Variants in WDR43 observed in about 807,000 individuals in gnomAD.
The protein encoded by WDR43 is WD repeat domain 43.
A neutral mutation model predicts 91.4 loss-of-function variants in WDR43; 13 were observed. That is an observed-to-expected ratio of 0.14 (90% confidence interval 0.09 to 0.23). The LOEUF (loss-of-function observed/expected upper bound fraction) is 0.23, where lower values mean the gene tolerates loss of function less well. Ranked by LOEUF, WDR43 falls within the 10% of genes least tolerant of loss-of-function variation. The probability of loss-of-function intolerance (pLI) is 1.00; values close to 1 mark genes in which losing one functional copy is unlikely to be tolerated. For missense variants in WDR43, 780 were observed against 809.4 expected (o/e 0.96, Z 0.44); for synonymous variants, 331 against 287.9 (o/e 1.15, Z -1.51).
At chr2:28,900,094 A>G (rs1670551405) in intron 1 of WDR43, among the ~76,000 whole-genome samples, 1 of 152,192 alleles carries the variant, frequency 6.6e-6, no homozygotes, top group Non-Finnish European at 1.5e-5. Context: ...GCATACGCAT[A>G]TTTGGACCTG....
At chr2:28,937,518 A>G (rs140846372) in intron 13 of WDR43, among the ~76,000 whole-genome samples, 34 of 152,266 alleles carry the variant, frequency 2.2e-4, no homozygotes, top group Non-Finnish European at 3.5e-4. Flanking sequence ...TTTTTGGTCT[A>G]TATTTGCCTT....
intron 6 of WDR43, among the ~76,000 whole-genome samples, chr2:28,919,177 G>A (rs1157281111): frequency 1.3e-5 from 2 of 152,158 alleles, no homozygotes; most frequent in Admixed American, 6.5e-5. Context: ...AAGATTGCCT[G>A]AGCCTGGGAG....
chr2:28,894,981 C>G lies in WDR43; in HGVS notation c.225+58C>G. ...CTTCCCGGGCTCGGCTTCGGGCCTCCGGGCCGGGTGGCGCGTGGTCCGGCA... is the reference window on the plus strand; with the variant it reads ...CTTCCCGGGCTCGGCTTCGGGCCTCGGGGCCGGGTGGCGCGTGGTCCGGCA... On this transcript the variant is annotated intron_variant, in intron 1 of 17. Coordinates refer to ENST00000407426, the MANE Select transcript of WDR43 (RefSeq NM_015131.3). 3 of 1,425,580 alleles carry G rather than the reference C, an allele frequency of 2.1e-6. No individual in the cohort carries two copies. In the South Asian group the frequency reaches 4.4e-5, roughly 21 times the overall value. The allele number at this position is 1,425,580 out of a possible 1,614,324, so 88.3% of individuals were successfully genotyped here.
At chr2:28,935,872 T>G (rs1355517108) in intron 12 of WDR43, 2 of 269,320 alleles carry the variant, frequency 7.4e-6, no homozygotes, top group Non-Finnish European at 1.4e-5. Flanking sequence ...CACTTGGAAC[T>G]TGTGGCACAG....
intron 4 of WDR43, among the ~76,000 whole-genome samples, chr2:28,913,347 T>A (rs1670845004): frequency 6.6e-6 from 1 of 152,054 alleles, no homozygotes; most frequent in Non-Finnish European, 1.5e-5. Flanking sequence ...AAAACAGATT[T>A]TGACACAGGG....
intron 1 of WDR43, among the ~76,000 whole-genome samples, chr2:28,900,002 G>C (rs1032253276): frequency 2.0e-5 from 3 of 152,092 alleles, no homozygotes; most frequent in African/African-American, 7.2e-5. Context: ...TTAAGGCTTT[G>C]ACTATGTTAT....
intron 16 of WDR43, among the ~76,000 whole-genome samples, chr2:28,944,951 A>G (rs1428103655): frequency 6.6e-6 from 1 of 152,222 alleles, no homozygotes; most frequent in African/African-American, 2.4e-5. Context: ...TACATTTTCC[A>G]TTTAATATTT....
chr2:28,923,418 G>T (rs879338063), intron 7 of WDR43, among the ~76,000 whole-genome samples: 4 of 152,170 alleles, frequency 2.6e-5, no homozygotes, highest in Non-Finnish European at 5.9e-5. Context: ...GCCACATTCA[G>T]TGGAGACCAT....
chr2:28,894,910 G>C lies in WDR43; in HGVS notation c.212G>C (p.Arg71Pro), dbSNP rs755572600. 1 of 1,592,806 alleles carries C rather than the reference G, an allele frequency of 6.3e-7. No homozygotes were observed. Among genetic ancestry groups the C allele is most frequent in the Non-Finnish European group, 8.5e-7 (1 of 1,170,458 alleles). ...ACCTGTCTGGCCTGGGCGCCAGCGC[G>C]GCTGCAGGCCAAGGTAAAGCGAGCG... ...TCTCLAWAPA[R>P]LQAKESPQRK... The change falls in exon 1 of 18, where the codon CGG becomes CCG. Residue 71 changes from arginine to proline, a missense_variant. Coordinates refer to ENST00000407426, the MANE Select transcript of WDR43 (RefSeq NM_015131.3).
chr2:28,911,546 G>A lies in WDR43; in HGVS notation c.486-1044G>A, dbSNP rs1000151953. 1.8e-4 allele frequency among the ~76,000 whole-genome samples: 28 copies of A among 151,908 alleles called. No individual in the cohort carries two copies. The East Asian group carries it at 2.7e-3, about 15-fold the overall frequency. ...CCTGACCTTGTGATCCGCCCACCTCGGCTTCCCAAAGTGCTGGGATTACAG... is the reference window on the plus strand; with the variant it reads ...CCTGACCTTGTGATCCGCCCACCTCAGCTTCCCAAAGTGCTGGGATTACAG... On this transcript the variant is annotated intron_variant, in intron 3 of 17. Coordinates refer to ENST00000407426, the MANE Select transcript of WDR43 (RefSeq NM_015131.3).
At chr2:28,895,753 G>A in intron 1 of WDR43, 1 of 152,158 alleles carries the variant, frequency 6.6e-6, no homozygotes, top group East Asian at 1.9e-4. Flanking sequence ...TTTCACTGTT[G>A]AGTCACTCAG....
chr2:28,910,802 A>G (rs1670782712), intron 3 of WDR43, among the ~76,000 whole-genome samples: 1 of 151,642 alleles, frequency 6.6e-6, no homozygotes, highest in African/African-American at 2.4e-5. Context: ...GGTTCAAGCA[A>G]TCCTCCTGTC....
chr2:28,930,567 T>G (rs377370994), intron 11 of WDR43, among the ~76,000 whole-genome samples: 11 of 152,186 alleles, frequency 7.2e-5, no homozygotes, highest in African/African-American at 2.7e-4. Context: ...ATGTGTGTAT[T>G]GTGGAGGTAG....
intron 11 of WDR43, among the ~76,000 whole-genome samples, chr2:28,932,942 A>C (rs183744747): frequency 2.6e-5 from 4 of 152,336 alleles, no homozygotes; most frequent in Admixed American, 2.6e-4. Context: ...AAAACAGGTA[A>C]CTGTCTCTAC....
intron 2 of WDR43, among the ~76,000 whole-genome samples, chr2:28,906,166 AAAG>A (rs1452751030): frequency 3.3e-5 from 5 of 152,302 alleles, no homozygotes; most frequent in South Asian, 2.1e-4. Flanking sequence ...CAGTTAAAAA[AAAG>A]AAGAGTTGAC....
At chr2:28,898,769 TC>T (rs1326267233) in intron 1 of WDR43, among the ~76,000 whole-genome samples, 1 of 152,166 alleles carries the variant, frequency 6.6e-6, no homozygotes, top group Non-Finnish European at 1.5e-5. Flanking sequence ...GAAGCTTGTT[TC>T]TATATGTGTA....
chr2:28,937,439 G>T (rs1386475423), intron 13 of WDR43, among the ~76,000 whole-genome samples: 1 of 151,704 alleles, frequency 6.6e-6, no homozygotes, highest in East Asian at 1.9e-4. Context: ...TTCTCGTGGG[G>T]TGCATTAGCC....
intron 3 of WDR43, among the ~76,000 whole-genome samples, chr2:28,909,205 C>G (rs1178013941): frequency 6.6e-6 from 1 of 152,144 alleles, no homozygotes; most frequent in African/African-American, 2.4e-5. Flanking sequence ...ATGGCGCGAT[C>G]TCAGCTCACT....
At chr2:28,933,910 A>T (rs1671292791) in intron 11 of WDR43, among the ~76,000 whole-genome samples, 1 of 152,180 alleles carries the variant, frequency 6.6e-6, no homozygotes, top group Non-Finnish European at 1.5e-5. Flanking sequence ...TGGTATAACT[A>T]CTTTGGAAAA....
Sources: allele counts gnomAD v4.1 joint callset (sites outside exome capture counted in the v4.1 genomes callset), GRCh38; gene constraint gnomAD v4.1.1; transcripts MANE v1.5; gene names NCBI Gene and HGNC (gene_info 2026-07-23, HGNC 2026-07-21).